RIMS1: variants seen among roughly 807,000 people sequenced by gnomAD.
RIMS1 encodes regulating synaptic membrane exocytosis protein 1.
In RIMS1, 83 loss-of-function variants were observed where a neutral mutation model predicts 214.1. The ratio of observed to expected loss-of-function variants is 0.39; its 90% CI spans 0.32 to 0.47. RIMS1 has a LOEUF of 0.47. Among genes scored for constraint, RIMS1 ranks in the 20% least tolerant of loss-of-function variants. The pLI is 0.99. For missense variants in RIMS1, 2,050 were observed against 2,161.8 expected (o/e 0.95, Z 1.03); for synonymous variants, 793 against 786.8 (o/e 1.01, Z -0.13).
intron 1 of RIMS1, among the ~76,000 whole-genome samples, chr6:71,947,028 A>T (rs1379465073): frequency 6.6e-6 from 1 of 152,150 alleles, no homozygotes; most frequent in African/African-American, 2.4e-5. Flanking sequence ...GCCATCGGAT[A>T]TGTGAAAAAG....
At chr6:72,020,015 G>C (rs1432071356) in intron 2 of RIMS1, among the ~76,000 whole-genome samples, 1 of 152,144 alleles carries the variant, frequency 6.6e-6, no homozygotes, top group Non-Finnish European at 1.5e-5. Flanking sequence ...AGGCTTCAGA[G>C]GCAGAAAACT....
Position 71,904,376 on chromosome 6 carries a change from A to G in RIMS1, c.164+17189A>G, listed in dbSNP as rs752229854. 7.5e-4 allele frequency among the ~76,000 whole-genome samples: 114 copies of G among 152,162 alleles called. 1 individual carries two copies. The highest frequency in any genetic ancestry group is 1.6e-4 in the Non-Finnish European group (11 of 68,022). ...AAGTGGGCTATAATACAAATACAGT[A>G]AGGCCTCAATGAGTCCCTTGGGAGT... On this transcript the variant is annotated intron_variant, in intron 1 of 33. Coordinates refer to ENST00000521978, the MANE Select transcript of RIMS1 (RefSeq NM_014989.7).
intron 2 of RIMS1, among the ~76,000 whole-genome samples, chr6:72,069,128 T>C (rs1018395300): frequency 9.8e-5 from 15 of 152,314 alleles, no homozygotes; most frequent in African/African-American, 3.6e-4. Flanking sequence ...GAATGTAATA[T>C]TGTCATACGG....
rs2154139591 is a variant in RIMS1 at position 72,252,744 on chromosome 6, G to T, written c.2699-17G>T. The T allele has an allele frequency of 6.4e-7, 1 of 1,551,828 alleles. No homozygotes were observed. Among genetic ancestry groups the T allele is most frequent in the Non-Finnish European group, 8.7e-7 (1 of 1,145,416 alleles). On this transcript the variant is annotated splice_polypyrimidine_tract_variant and intron_variant, in intron 15 of 33. Transcript: ENST00000521978. ...CAACCAGACACAGAAGTATCTCTTT[G>T]CCTTACTGTTGTGCAGGATCTCAGC...
chr6:72,279,436 T>C (rs2088815175), intron 23 of RIMS1, among the ~76,000 whole-genome samples: 1 of 152,010 alleles, frequency 6.6e-6, no homozygotes, highest in Non-Finnish European at 1.5e-5. Context: ...ATTTCTTTAG[T>C]ACATTGTGAA....
At chr6:72,003,607 TGTC>T (rs1460580118) in intron 2 of RIMS1, among the ~76,000 whole-genome samples, 19 of 152,050 alleles carry the variant, frequency 1.2e-4, no homozygotes, top group South Asian at 1.2e-3. Context: ...TGCAGGTGTG[TGTC>T]TGTGTGTGTG....
intron 1 of RIMS1, among the ~76,000 whole-genome samples, chr6:71,889,846 G>A (rs1032421208): frequency 6.6e-6 from 1 of 152,156 alleles, no homozygotes; most frequent in African/African-American, 2.4e-5. Context: ...AAAAGTTTTT[G>A]TGGTAATTAT....
chr6:72,301,686 G>A (rs2154271025), intron 26 of RIMS1, among the ~76,000 whole-genome samples: 1 of 151,534 alleles, frequency 6.6e-6, no homozygotes, highest in East Asian at 1.9e-4. Flanking sequence ...CATTTTCCTT[G>A]TATTAGCTCT....
At chr6:72,268,258 C>G (rs2081479224) in intron 22 of RIMS1, among the ~76,000 whole-genome samples, 1 of 151,990 alleles carries the variant, frequency 6.6e-6, no homozygotes. Flanking sequence ...AGCCCCTAGA[C>G]AGTATGCGGA....
chr6:72,003,762 T>C (rs1184425242), intron 2 of RIMS1, among the ~76,000 whole-genome samples: 1 of 152,080 alleles, frequency 6.6e-6, no homozygotes, highest in Admixed American at 6.6e-5. Context: ...CTATGTACTT[T>C]TAATTAACTG....
At chr6:72,085,865 T>C (rs1156279776) in intron 2 of RIMS1, among the ~76,000 whole-genome samples, 2 of 152,102 alleles carry the variant, frequency 1.3e-5, no homozygotes, top group East Asian at 3.8e-4. Context: ...ATTCTGAAAA[T>C]AGAATGGTGT....
intron 4 of RIMS1, among the ~76,000 whole-genome samples, chr6:72,145,785 AAAAC>A (rs990818588): frequency 6.6e-6 from 1 of 152,238 alleles, no homozygotes; most frequent in Non-Finnish European, 1.5e-5. Flanking sequence ...AGCTTTGGCA[AAAAC>A]AAACAAACAA....
At chr6:72,265,115 A>G (rs2079871981) in intron 20 of RIMS1, 63 bp downstream of exon 20, 2 of 878,804 alleles carry the variant, frequency 2.3e-6, no homozygotes, top group Non-Finnish European at 3.5e-6. Context: ...TTGCCTACTA[A>G]AAATAGAAAA....
intron 1 of RIMS1, among the ~76,000 whole-genome samples, chr6:71,965,644 G>T (rs1056843177): frequency 6.6e-6 from 1 of 152,140 alleles, no homozygotes; most frequent in Non-Finnish European, 1.5e-5. Flanking sequence ...CCCCTGAGGC[G>T]GTTGCAGAAT....
chr6:72,391,847 T>A (rs909880850), intron 30 of RIMS1, among the ~76,000 whole-genome samples: 52 of 152,348 alleles, frequency 3.4e-4, no homozygotes, highest in Middle Eastern at 6.8e-3. Context: ...CTTGAACACA[T>A]CATTTTCTGA....
intron 6 of RIMS1, among the ~76,000 whole-genome samples, chr6:72,190,129 A>C (rs1466027490): frequency 6.6e-6 from 1 of 152,140 alleles, no homozygotes; most frequent in East Asian, 1.9e-4. Context: ...CCCACTGGGA[A>C]GATTTCCCTT....
intron 12 of RIMS1, among the ~76,000 whole-genome samples, chr6:72,249,993 T>C (rs903665561): frequency 5.9e-5 from 9 of 152,138 alleles, no homozygotes; most frequent in African/African-American, 1.2e-4. Context: ...CAAACTCTTA[T>C]TTTTAACATT....
chr6:72,374,132 C>T (rs1345703733), intron 29 of RIMS1, among the ~76,000 whole-genome samples: 2 of 152,090 alleles, frequency 1.3e-5, no homozygotes, highest in Non-Finnish European at 2.9e-5. Context: ...CCAGGATGGT[C>T]TCGATCTCTT....
intron 6 of RIMS1, among the ~76,000 whole-genome samples, chr6:72,229,881 T>A (rs914640251): frequency 6.6e-6 from 1 of 151,820 alleles, no homozygotes; most frequent in Admixed American, 6.6e-5. Context: ...CTGACCATGG[T>A]ATGTGTCCAC....
Sources: allele counts gnomAD v4.1 joint callset (sites outside exome capture counted in the v4.1 genomes callset), GRCh38; gene constraint gnomAD v4.1.1; transcripts MANE v1.5; gene names NCBI Gene and HGNC (gene_info 2026-07-23, HGNC 2026-07-21).